The following CCDC102B variants were observed in gnomAD, a reference collection of about 807,000 sequenced individuals.
CCDC102B encodes coiled-coil domain-containing protein 102B.
A neutral mutation model predicts 57.4 loss-of-function variants in CCDC102B; 75 were observed. The ratio of observed to expected loss-of-function variants is 1.31; its 90% CI spans 1.08 to 1.58. The LOEUF (loss-of-function observed/expected upper bound fraction) is 1.58, where lower values mean the gene tolerates loss of function less well. Among genes scored for constraint, CCDC102B ranks in the 40% most tolerant of loss-of-function variants. The probability of loss-of-function intolerance (pLI) is 0.00; values close to 1 mark genes in which losing one functional copy is unlikely to be tolerated. For synonymous variants in CCDC102B, 206 were observed against 201.9 expected, an observed-to-expected ratio of 1.02 and a Z score of -0.17; for missense variants, 636 against 582.6, an observed-to-expected ratio of 1.09 and a Z score of -0.94.
At chr18:68,726,012 G>A (rs546473497) in intron 2 of CCDC102B, among the ~76,000 whole-genome samples, 5 of 152,138 alleles carry the variant, frequency 3.3e-5, no homozygotes, top group African/African-American at 7.2e-5. Context: ...ACGTTGCCTC[G>A]GTCTGCTAAT....
At chr18:68,889,449 C>T (rs865950503) in intron 5 of CCDC102B, among the ~76,000 whole-genome samples, 4 of 152,114 alleles carry the variant, frequency 2.6e-5, no homozygotes, top group South Asian at 2.1e-4. Context: ...GATGGAGTTT[C>T]GCTCTTGTTG....
chr18:68,803,508 G>A (rs1400680981), intron 1 of CCDC102B, among the ~76,000 whole-genome samples: 3 of 152,184 alleles, frequency 2.0e-5, no homozygotes, highest in Non-Finnish European at 4.4e-5. Context: ...ACTTAACCAC[G>A]AGGAATCTTG....
rs200640507 is a variant in CCDC102B at position 68,846,434 on chromosome 18, A to G, written c.936+13A>G. The G allele has an allele frequency of 8.1e-5, 120 of 1,474,118 alleles. 1 individual carries two copies. In the South Asian group the frequency reaches 9.8e-4, roughly 12 times the overall value. The allele number at this position is 1,474,118 out of a possible 1,614,324, so 91.3% of individuals were successfully genotyped here. A position where few individuals can be genotyped will look rare whatever the true frequency, so the allele number is the denominator to read the frequency against. On this transcript the variant is annotated intron_variant, in intron 4 of 7. Transcript: ENST00000360242. The stretch of plus-strand genomic sequence containing the variant: ...AAATGTGAAAGAGGTATGGGGGAAT[A>G]TGATGTAAAGGAAGAAATGAAGCCT...
intron 2 of CCDC102B, chr18:68,721,474 G>A (rs2032325044): frequency 6.6e-6 from 1 of 152,126 alleles, no homozygotes; most frequent in African/African-American, 2.4e-5. Flanking sequence ...AATACAGGAT[G>A]CACTCTTCTG....
At chr18:68,741,765 G>T (rs1215762576) in intron 2 of CCDC102B, among the ~76,000 whole-genome samples, 1 of 151,724 alleles carries the variant, frequency 6.6e-6, no homozygotes, top group Non-Finnish European at 1.5e-5. Flanking sequence ...GCTTTCTTGC[G>T]AGAACAGGGT....
intron 4 of CCDC102B, among the ~76,000 whole-genome samples, chr18:68,849,649 C>T (rs2038034358): frequency 6.6e-6 from 1 of 152,104 alleles, no homozygotes; most frequent in Non-Finnish European, 1.5e-5. Flanking sequence ...ATCTGTTACT[C>T]AGTGGATAGC....
chr18:68,922,554 A>G (rs988829539), intron 6 of CCDC102B, among the ~76,000 whole-genome samples: 8 of 152,174 alleles, frequency 5.3e-5, no homozygotes, highest in Admixed American at 2.0e-4. Context: ...TGCATGCACA[A>G]GACAAGTCTG....
chr18:68,862,273 C>A (rs2038794008), intron 4 of CCDC102B, among the ~76,000 whole-genome samples: 1 of 152,138 alleles, frequency 6.6e-6, no homozygotes, highest in Admixed American at 6.6e-5. Flanking sequence ...ATTTGGGACT[C>A]TAATTGGCTT....
At chr18:68,953,547 C>T (rs11151476) in intron 6 of CCDC102B, among the ~76,000 whole-genome samples, 1 of 151,270 alleles carries the variant, frequency 6.6e-6, no homozygotes, top group African/African-American at 2.4e-5. Context: ...TGTTTAGTAG[C>T]GGTTTTTTTT....
At chr18:68,733,141 C>T (rs915839310) in intron 2 of CCDC102B, among the ~76,000 whole-genome samples, 19 of 151,886 alleles carry the variant, frequency 1.3e-4, no homozygotes, top group Admixed American at 1.2e-3. Flanking sequence ...ACCACATCAG[C>T]CCCAAGCAGT....
At chr18:68,843,833 T>A (rs2037740369) in intron 3 of CCDC102B, among the ~76,000 whole-genome samples, 3 of 151,976 alleles carry the variant, frequency 2.0e-5, no homozygotes, top group African/African-American at 4.8e-5. Flanking sequence ...TTTGAAAATC[T>A]CTCTGAAACA....
In CCDC102B at chr18:68,820,997, C is replaced by A. The variant is rs1301390354; in HGVS notation, c.-15-15752C>A. Among the ~76,000 whole-genome samples the A allele has an allele frequency of 3.3e-5, 5 of 152,106 alleles. No individual in the cohort carries two copies. In the South Asian group the frequency reaches 6.2e-4, roughly 19 times the overall value. The stretch of plus-strand genomic sequence containing the variant: ...GAGTCAGAAATAGACTGCCTCATTT[C>A]TTTTTTCTTGTTTGAACTTATATCT... On this transcript the variant is annotated intron_variant, in intron 1 of 7. Transcript: ENST00000360242.
chr18:69,044,460 C>T (rs1040169469), intron 7 of CCDC102B, among the ~76,000 whole-genome samples: 4 of 152,106 alleles, frequency 2.6e-5, no homozygotes, highest in Non-Finnish European at 5.9e-5. Flanking sequence ...AAACCCTGTA[C>T]ATTTGCCAAA....
chr18:68,838,915 G>A lies in CCDC102B; in HGVS notation c.816G>A (p.Trp272Ter). Reference protein sequence around the residue: ...VHLDEFQKILWKEREMRTALE... With the variant: ...VHLDEFQKIL ...TGGATGAATTCCAAAAAATCTTATG[G>A]AAGGAAAGAGAGTAAGTGCTAATCA... The change falls in exon 3 of 8, where the codon TGG becomes TGA. Residue 272 changes from tryptophan to a stop codon, truncating the protein, a stop_gained. Transcript: ENST00000360242. LOFTEE classifies it high-confidence loss of function. 6.2e-7 allele frequency: 1 copy of A among 1,613,254 alleles called. No homozygotes were observed. Among genetic ancestry groups the A allele is most frequent in the Non-Finnish European group, 8.5e-7 (1 of 1,179,446 alleles).
intron 4 of CCDC102B, among the ~76,000 whole-genome samples, chr18:68,867,629 A>G (rs1248934257): frequency 6.6e-6 from 1 of 152,076 alleles, no homozygotes; most frequent in East Asian, 1.9e-4. Context: ...TATCCCAGCT[A>G]GAGGGAGATA....
intron 5 of CCDC102B, among the ~76,000 whole-genome samples, chr18:68,883,221 C>A (rs964535834): frequency 4.6e-5 from 7 of 151,708 alleles, no homozygotes; most frequent in Admixed American, 2.6e-4. Flanking sequence ...GAGTTGGAGA[C>A]CATGGTGAAA....
intron 6 of CCDC102B, among the ~76,000 whole-genome samples, chr18:68,904,720 A>G (rs1039457164): frequency 2.0e-5 from 3 of 152,162 alleles, no homozygotes; most frequent in African/African-American, 7.2e-5. Flanking sequence ...ATTGAATTTT[A>G]CCAATCTAAT....
At chr18:68,973,003 A>C (rs1426306326) in intron 6 of CCDC102B, among the ~76,000 whole-genome samples, 8 of 152,170 alleles carry the variant, frequency 5.3e-5, no homozygotes, top group Admixed American at 5.2e-4. Context: ...TATATAGGCA[A>C]CAGATTTTTA....
At chr18:68,981,714 C>T (rs2050586804) in intron 6 of CCDC102B, among the ~76,000 whole-genome samples, 1 of 151,826 alleles carries the variant, frequency 6.6e-6, no homozygotes, top group African/African-American at 2.4e-5. Context: ...ATTTATTACT[C>T]CTGATAAAGA....
Sources: allele counts gnomAD v4.1 joint callset (sites outside exome capture counted in the v4.1 genomes callset), GRCh38; gene constraint gnomAD v4.1.1; transcripts MANE v1.5; gene names NCBI Gene and HGNC (gene_info 2026-07-23, HGNC 2026-07-21).